Variants in CHPF observed in about 807,000 individuals in gnomAD.
CHPF encodes chondroitin polymerizing factor, non-catalytic subunit.
CHPF carries 34 observed loss-of-function variants against 55.1 expected under a neutral mutation model. That is an observed-to-expected ratio of 0.62 (90% CI 0.47 to 0.82). The LOEUF (loss-of-function observed/expected upper bound fraction) is 0.82, where lower values mean the gene tolerates loss of function less well. Ranked by LOEUF, CHPF falls within the 40% of genes least tolerant of loss-of-function variation. The probability of loss-of-function intolerance (pLI) is 0.00; values close to 1 mark genes in which losing one functional copy is unlikely to be tolerated. For synonymous variants in CHPF, 489 were observed against 496.6 expected (o/e 0.98, Z 0.20); for missense variants, 961 against 1,106.1 (o/e 0.87, Z 1.86).
rs748812043 is a variant in CHPF at position 219,542,096 on chromosome 2, G to A, written c.408C>T (p.Ala136=). The part of the protein sequence containing the change: ...SQTTLPTLGV[A]VNRTLGHRLE... The stretch of plus-strand genomic sequence containing the variant: ...GCCGGTGCCCCAGCGTGCGGTTCAC[G>A]GCCACGCCCAGCGTGGGCAGCGTGG... Residue 136 remains alanine, a synonymous_variant, in exon 2 of 4, where the codon GCC becomes GCT. Transcript: ENST00000243776. 59 of 1,572,868 alleles carry A rather than the reference G, an allele frequency of 3.8e-5. No homozygotes were observed. The Middle Eastern group carries it at 5.0e-4, about 13-fold the overall frequency.
In CHPF at chr2:219,542,036, G is replaced by A. The variant is rs765392601; in HGVS notation, c.468C>T (p.Gly156=). Residue 156 remains glycine (G), a synonymous_variant, in exon 2 of 4, where the codon GGC becomes GGT. Transcript: ENST00000243776. Reference sequence around the variant, plus strand: ...CTGCCATGCCAGGTGGGGCCCGGCGGCCCCGTGCGCCCGTCAGGAACACCA... The same window carrying A: ...CTGCCATGCCAGGTGGGGCCCGGCGACCCCGTGCGCCCGTCAGGAACACCA... The part of the protein sequence containing the change: ...ERVVFLTGAR[G]RRAPPGMAVV... 3 of 1,586,762 alleles carry A rather than the reference G, an allele frequency of 1.9e-6. 1 individual carries two copies. The South Asian group carries it at 3.4e-5, about 18-fold the overall frequency.
rs760527513 is a variant in CHPF, at chr2:219,539,640, G to C, written c.2071C>G (p.Leu691Val). 6.2e-7 allele frequency: 1 copy of C among 1,613,340 alleles called. No individual in the cohort carries two copies. Among genetic ancestry groups the C allele is most frequent in the East Asian group, 2.2e-5 (1 of 44,876 alleles). ...TCTTCTTGTTCTGAGGCTGCCGCCA[G>C]GCGCCCACGGGCTGCCACATAGTCG... ...NSDYVAARGR[L>V]AAASEQEEEL... Residue 691 changes from leucine (L) to valine (V), a missense_variant, in exon 4 of 4, where the codon CTG becomes GTG. By Grantham distance (32) the Leu-to-Val change is conservative. Around this residue, in one of 3 missense-constraint regions of CHPF, gnomAD observed 936 missense variants for 1,058.4 expected, o/e 0.88. Transcript: ENST00000243776.
In CHPF at chr2:219,541,786, C is replaced by A; in HGVS notation, c.718G>T (p.Gly240Cys). Residue 240 changes from glycine (G) to cysteine (C), a missense_variant, in exon 2 of 4, where the codon GGC (glycine) becomes TGC (cysteine). Coordinates refer to ENST00000243776, the MANE Select transcript of CHPF (RefSeq NM_024536.6). ...CCAAAGCCTCCGTGGCAGTAGCGGC[C>A]GGGGGTGGGCTCTCCGCCGATGAAG... ...QDFIGGEPTP[G>C]RYCHGGFGVL... 6.2e-7 allele frequency: 1 copy of A among 1,607,106 alleles called. No individual in the cohort carries two copies. The highest frequency in any genetic ancestry group is 8.5e-7 in the Non-Finnish European group (1 of 1,176,462).
In CHPF at chr2:219,539,794, G is replaced by A. The variant is rs1362299755; in HGVS notation, c.1917C>T (p.Phe639=). The A allele has an allele frequency of 1.2e-6, 2 of 1,613,408 alleles. No individual in the cohort carries two copies. The highest frequency in any genetic ancestry group is 1.7e-6 in the Non-Finnish European group (2 of 1,180,024). ...GGAAGGCTTGGAAATGCATGGGAAA[G>A]AAGGCCTGCCAGCCGGAGATGGCAT... ...RMHAISGWQA[F]FPMHFQAFHP... The change falls in exon 4 of 4, where the codon TTC becomes TTT. Residue 639 remains phenylalanine, a synonymous_variant. Coordinates refer to ENST00000243776, the MANE Select transcript of CHPF (RefSeq NM_024536.6).
chr2:219,539,509 C>T lies in CHPF; in HGVS notation c.2202G>A (p.Gln734=), dbSNP rs1318535618. The T allele has an allele frequency of 6.2e-7, 1 of 1,613,640 alleles. No homozygotes were observed. The highest frequency in any genetic ancestry group is 2.2e-5 in the East Asian group (1 of 44,886). Reference sequence around the variant, plus strand: ...CCTCACTGAGCCTCGCGCTGCACGTCTGGGCCCGGTAGCGCTGCAGCAGCG... The same window carrying T: ...CCTCACTGAGCCTCGCGCTGCACGTTTGGGCCCGGTAGCGCTGCAGCAGCG... ...EPALLQRYRA[Q]TCSARLSEDL... Residue 734 remains glutamine (Q), a synonymous_variant, in exon 4 of 4, where the codon CAG becomes CAA. Coordinates refer to ENST00000243776, the MANE Select transcript of CHPF (RefSeq NM_024536.6).
rs1490466217 is a variant in CHPF at position 219,543,404 on chromosome 2, A to G, written c.135T>C (p.Pro45=). The part of the protein sequence containing the change: ...EEPCGPGPPQ[P]GDSELPPRGN... ...CGCGCGGCGGCAGCTCAGAGTCTCCAGGTTGGGGCGGGCCTGGGCCGCACG... is the reference window on the plus strand; with the variant it reads ...CGCGCGGCGGCAGCTCAGAGTCTCCGGGTTGGGGCGGGCCTGGGCCGCACG... The change falls in exon 1 of 4, where the codon CCT becomes CCC. Residue 45 remains proline (P), a synonymous_variant. Coordinates refer to ENST00000243776, the MANE Select transcript of CHPF (RefSeq NM_024536.6). The G allele has an allele frequency of 6.4e-7, 1 of 1,555,408 alleles. No individual in the cohort carries two copies. Among genetic ancestry groups the G allele is most frequent in the Admixed American group, 1.8e-5 (1 of 55,486 alleles).
chr2:219,539,733 G>C lies in CHPF; in HGVS notation c.1978C>G (p.Pro660Ala). The change falls in exon 4 of 4, where the codon CCA becomes GCA. Residue 660 changes from proline (P) to alanine (A), a missense_variant. Physicochemically the swap from Pro to Ala is conservative, Grantham distance 27. This residue lies in a region of CHPF where 936 missense variants were observed against 1,058.4 expected (regional missense o/e 0.88). Coordinates refer to ENST00000243776, the MANE Select transcript of CHPF (RefSeq NM_024536.6). ...CGGCCAGTGTCACGGCCCAGCTCTG[G>C]GGGCCCAGGCCCTTGTGGTGGGGCC... ...AVAPPQGPGPPELGRDTGRFD... is the reference protein window; with the variant it reads ...AVAPPQGPGPAELGRDTGRFD... The C allele has an allele frequency of 6.2e-7, 1 of 1,613,524 alleles. No individual in the cohort carries two copies. The highest frequency in any genetic ancestry group is 8.5e-7 in the Non-Finnish European group (1 of 1,179,986).
Position 219,541,923 on chromosome 2 carries a change from C to G in CHPF, c.581G>C (p.Trp194Ser). Reference protein sequence around the residue: ...LLEQHGDDFDWFFLVPDTTYT... With the variant: ...LLEQHGDDFDSFFLVPDTTYT... ...GGTGGTGTCAGGCACCAGGAAGAAC[C>G]AGTCAAAGTCGTCGCCGTGCTGCTC... Residue 194 changes from tryptophan (W) to serine (S), a missense_variant, in exon 2 of 4, where the codon TGG (tryptophan) becomes TCG (serine). Transcript: ENST00000243776. 6.2e-7 allele frequency: 1 copy of G among 1,613,576 alleles called. No homozygotes were observed. Among genetic ancestry groups the G allele is most frequent in the South Asian group, 1.1e-5 (1 of 91,070 alleles).
intron 2 of CHPF, 144 bp from the exon 3 acceptor site, chr2:219,541,269 G>T (rs1421987924): frequency 3.7e-6 from 3 of 806,150 alleles, no homozygotes; most frequent in Non-Finnish European, 5.5e-6. Flanking sequence ...TTGTGAGTCT[G>T]TGTGACCTTC....
chr2:219,540,500 G>A lies in CHPF; in HGVS notation c.1211C>T (p.Ser404Phe). Residue 404 changes from serine (S) to phenylalanine (F), a missense_variant, in exon 4 of 4, where the codon TCC (serine) becomes TTC (phenylalanine). By Grantham distance (155) the Ser-to-Phe change is radical. Transcript: ENST00000243776. The stretch of plus-strand genomic sequence containing the variant: ...GCAGCGGGGTGAGCCATCGGCGCAG[G>A]AGAAAGCGTGCTGCTCCGTGAAGTA... ...WDYFTEQHAF[S>F]CADGSPRCPL... 4 of 1,614,080 alleles carry A rather than the reference G, an allele frequency of 2.5e-6. No individual in the cohort carries two copies. The highest frequency in any genetic ancestry group is 3.4e-6 in the Non-Finnish European group (4 of 1,180,018).
At chr2:219,541,579 G>T in intron 2 of CHPF, 37 bp downstream of exon 2, 2 of 1,481,004 alleles carry the variant, frequency 1.4e-6, no homozygotes, top group South Asian at 2.7e-5. Flanking sequence ...ATTTGAACAT[G>T]ACAAGGAGGT....
chr2:219,540,394 C>T lies in CHPF; in HGVS notation c.1317G>A (p.Pro439=), dbSNP rs1426234114. 15 of 1,613,920 alleles carry T rather than the reference C, an allele frequency of 9.3e-6. No individual in the cohort carries two copies. Among genetic ancestry groups the T allele is most frequent in the African/African-American group, 2.7e-5 (2 of 74,946 alleles). ...GCTGCTGCTTCTGGAGCCGCAAGGC[C>T]GGGTGGTAGCGGCGGTTCAGCTCCT... is the stretch of plus-strand genomic sequence containing the variant. The part of the protein sequence containing the change: ...ALEELNRRYH[P]ALRLQKQQLV... The change falls in exon 4 of 4, where the codon CCG becomes CCA. Residue 439 remains proline, a synonymous_variant. Transcript: ENST00000243776.
At position 219,543,361 on chromosome 2, in the gene CHPF, G is replaced by A. The variant is rs1266958831; in HGVS notation, c.178C>T (p.Arg60Cys). Residue 60 changes from arginine (R) to cysteine (C), a missense_variant, in exon 1 of 4, where the codon CGC (arginine) becomes TGC (cysteine). By Grantham distance (180) the Arg-to-Cys change is radical. Transcript: ENST00000243776. ...LPPRGNTNAA[R>C]RPNSVQPGAE... ...CCGGGCTGCACCGAGTTGGGCCGGC[G>A]CGCCGCGTTGGTGTTGCCGCGCGGC... 4.5e-6 allele frequency: 7 copies of A among 1,562,142 alleles called. No homozygotes were observed. The highest frequency in any genetic ancestry group is 3.6e-5 in the Admixed American group (2 of 56,272).
chr2:219,543,637 T>A lies in CHPF; in HGVS notation c.-99A>T. 1 of 973,018 alleles carries A rather than the reference T, an allele frequency of 1.0e-6. No homozygotes were observed. The highest frequency in any genetic ancestry group is 1.4e-6 in the Non-Finnish European group (1 of 736,938). The allele number at this position is 973,018 out of a possible 1,614,324, so 60.3% of individuals were successfully genotyped here. On this transcript the variant is annotated 5_prime_UTR_variant, in exon 1 of 4. Transcript: ENST00000243776. ...CGGGGAGGGGGCGGATCCGGAGGGC[T>A]CGGGCCCCGCGGGCGGGCCCGCTCC...
At chr2:219,540,664 T>C in intron 3 of CHPF, 22 bp from the exon 4 acceptor site, 1 of 1,564,648 alleles carries the variant, frequency 6.4e-7, no homozygotes, top group East Asian at 2.3e-5. Flanking sequence ...AAACAGGCCA[T>C]CAGCAAGGGA....
rs538123825 is a variant in CHPF at position 219,540,288 on chromosome 2, G to A, written c.1423C>T (p.Gln475Ter). 6.2e-7 allele frequency: 1 copy of A among 1,613,832 alleles called. No homozygotes were observed. Among genetic ancestry groups the A allele is most frequent in the Non-Finnish European group, 8.5e-7 (1 of 1,179,916 alleles). ...LDLQLEALTP[Q>*]GGRRPLTRRV... ...CGAGTGAGGGGCCGGCGGCCTCCCT[G>A]GGGGGTCAGTGCCTCCAGCTGCAAG... The change falls in exon 4 of 4, where the codon CAG (glutamine) becomes TAG (stop). Residue 475 changes from glutamine to a stop codon, truncating the protein, a stop_gained. Transcript: ENST00000243776. LOFTEE classifies it high-confidence loss of function.
intron 2 of CHPF, 136 bp downstream of exon 2, chr2:219,541,480 A>T: frequency 1.5e-6 from 1 of 679,664 alleles, no homozygotes; most frequent in Non-Finnish European, 2.4e-6. Context: ...TTAGTAATTT[A>T]CTGGGGGTCA....
intron 2 of CHPF, 31 bp from the exon 3 acceptor site, chr2:219,541,156 G>A (rs753525809): frequency 9.0e-6 from 14 of 1,548,348 alleles, no homozygotes; most frequent in Non-Finnish European, 1.1e-5. Flanking sequence ...GATCTGTGAT[G>A]AGCTGGCATT....
intron 3 of CHPF, 135 bp downstream of exon 3, chr2:219,540,811 G>T: frequency 1.5e-6 from 2 of 1,324,564 alleles, no homozygotes; most frequent in Non-Finnish European, 2.1e-6. Context: ...GCTCATCAGA[G>T]AATGTAGAAA....
Sources: gnomAD v4.1 joint callset for allele counts on GRCh38, gnomAD v4.1.1 for gene constraint, gnomAD v4.1.1 regional missense constraint, MANE v1.5 for transcripts, NCBI Gene and HGNC (gene_info 2026-07-23, HGNC 2026-07-21) for gene names.